FHIT: variants seen among roughly 807,000 people sequenced by gnomAD.
FHIT encodes bis(5'-adenosyl)-triphosphatase.
In FHIT, 19 loss-of-function variants were observed where a neutral mutation model predicts 17.9. The observed-to-expected ratio is 1.06, with a 90% CI of 0.74 to 1.56. The LOEUF is 1.56. Among genes scored for constraint, FHIT ranks in the 40% most tolerant of loss-of-function variants. The pLI, the probability that FHIT is intolerant of heterozygous loss-of-function variation, is 0.00. For missense variants in FHIT, 248 were observed against 189.2 expected, an observed-to-expected ratio of 1.31 and a Z score of -1.82; for synonymous variants, 81 against 69.7, an observed-to-expected ratio of 1.16 and a Z score of -0.81.
chr3:59,913,251 G>C (rs1454911842), intron 8 of FHIT, among the ~76,000 whole-genome samples: 1 of 152,066 alleles, frequency 6.6e-6, no homozygotes, highest in Non-Finnish European at 1.5e-5. Context: ...ACAGGGATAT[G>C]AAAACCATTT....
intron 5 of FHIT, among the ~76,000 whole-genome samples, chr3:60,398,503 T>C (rs1386446209): frequency 1.3e-5 from 2 of 152,142 alleles, no homozygotes; most frequent in Non-Finnish European, 2.9e-5. Flanking sequence ...TTAACATTGA[T>C]TGGAAATTTA....
chr3:60,906,890 C>T (rs945317976), intron 3 of FHIT, among the ~76,000 whole-genome samples: 29 of 152,084 alleles, frequency 1.9e-4, no homozygotes, highest in African/African-American at 6.8e-4. Context: ...GAAGACCGTG[C>T]TCTATGAATA....
chr3:60,606,969 C>A (rs2038628273), intron 4 of FHIT, among the ~76,000 whole-genome samples: 1 of 152,154 alleles, frequency 6.6e-6, no homozygotes, highest in Admixed American at 6.6e-5. Context: ...CTGCTTGAAT[C>A]CTTCCATTAA....
intron 5 of FHIT, among the ~76,000 whole-genome samples, chr3:60,050,030 A>G (rs1442041117): frequency 2.0e-5 from 3 of 152,180 alleles, no homozygotes; most frequent in African/African-American, 7.2e-5. Flanking sequence ...TTCATGTCTC[A>G]GAATACTGAA....
At chr3:60,442,521 A>G (rs899030330) in intron 5 of FHIT, among the ~76,000 whole-genome samples, 1 of 152,178 alleles carries the variant, frequency 6.6e-6, no homozygotes, top group Admixed American at 6.6e-5. Flanking sequence ...ACCATTTGTT[A>G]AATAGGGAAT....
chr3:59,916,942 A>G (rs1324871505), intron 8 of FHIT, among the ~76,000 whole-genome samples: 3 of 152,270 alleles, frequency 2.0e-5, no homozygotes, highest in Non-Finnish European at 4.4e-5. Context: ...GGAGGACATC[A>G]GTAAACCCAG....
chr3:60,182,173 G>A (rs959355015), intron 5 of FHIT, among the ~76,000 whole-genome samples: 2 of 152,136 alleles, frequency 1.3e-5, no homozygotes, highest in African/African-American at 4.8e-5. Context: ...GGCAACTAGA[G>A]GTTGCTTTCC....
chr3:60,043,681 T>TAGATAGAC (rs1701536660), intron 5 of FHIT, among the ~76,000 whole-genome samples: 3 of 152,234 alleles, frequency 2.0e-5, no homozygotes, highest in African/African-American at 4.8e-5. Flanking sequence ...GACAGATAGA[T>TAGATAGAC]AGATAGATAA....
chr3:61,111,713 A>G (rs954536542), intron 2 of FHIT, among the ~76,000 whole-genome samples: 1 of 152,230 alleles, frequency 6.6e-6, no homozygotes, highest in African/African-American at 2.4e-5. Context: ...TGGTTGTCAT[A>G]CTAATTTAAT....
At chr3:60,540,160 C>G (rs952581879) in intron 4 of FHIT, among the ~76,000 whole-genome samples, 1 of 152,030 alleles carries the variant, frequency 6.6e-6, no homozygotes, top group African/African-American at 2.4e-5. Context: ...GTTTAGGGAG[C>G]TTCTGGATAG....
rs142891933 is a variant in FHIT at position 60,682,210 on chromosome 3, A to G, written c.-18+139709T>C. Among the ~76,000 whole-genome samples the G allele has an allele frequency of 2.7e-4, 41 of 152,128 alleles. 1 individual carries two copies. The highest frequency in any genetic ancestry group is 9.4e-4 in the African/African-American group (39 of 41,500). On this transcript the variant is annotated intron_variant, in intron 4 of 9. Coordinates refer to ENST00000492590, the MANE Select transcript of FHIT (RefSeq NM_002012.4). ...CTGGTCTCGAACTCCTGACCTCATT[A>G]TTTGCCTGCCTCGGCCTCCCACAAT...
intron 7 of FHIT, among the ~76,000 whole-genome samples, chr3:59,979,965 G>A (rs111275783): frequency 2.6e-5 from 4 of 152,222 alleles, no homozygotes; most frequent in East Asian, 1.9e-4. Flanking sequence ...AACACTGTTC[G>A]ACAGAGAAGA....
At chr3:60,139,813 T>A (rs1699960950) in intron 5 of FHIT, among the ~76,000 whole-genome samples, 1 of 109,690 alleles carries the variant, frequency 9.1e-6, no homozygotes, top group Non-Finnish European at 1.7e-5. Context: ...TAAGTACCTT[T>A]CATTATTAAA....
At chr3:59,894,180 G>C (rs1202103907) in intron 8 of FHIT, among the ~76,000 whole-genome samples, 1 of 152,064 alleles carries the variant, frequency 6.6e-6, no homozygotes, top group Non-Finnish European at 1.5e-5. Flanking sequence ...GTAACGTCAA[G>C]GCTGCAGTGA....
intron 5 of FHIT, among the ~76,000 whole-genome samples, chr3:60,130,776 G>GTATACACATATATA (rs1322600707): frequency 0.03 from 8 of 266 alleles, no homozygotes; most frequent in Non-Finnish European, 0.039. Context: ...TTGTGTGTGT[G>GTATACACATATATA]TGTGTGTGGT....
intron 4 of FHIT, among the ~76,000 whole-genome samples, chr3:60,695,056 T>C (rs1386243573): frequency 6.6e-6 from 1 of 151,936 alleles, no homozygotes; most frequent in Non-Finnish European, 1.5e-5. Flanking sequence ...GAACTTAAAG[T>C]ATAATAATAA....
At chr3:60,500,785 A>AT (rs1434611587) in intron 5 of FHIT, among the ~76,000 whole-genome samples, 1 of 150,962 alleles carries the variant, frequency 6.6e-6, no homozygotes, top group Non-Finnish European at 1.5e-5. Flanking sequence ...AAAAAAAAAA[A>AT]AAAAAAAAAA....
chr3:61,214,616 C>A (rs1217064315), intron 1 of FHIT, among the ~76,000 whole-genome samples: 1 of 150,768 alleles, frequency 6.6e-6, no homozygotes, highest in East Asian at 2.0e-4. Flanking sequence ...GAAACTATTC[C>A]AATCAATAGA....
intron 7 of FHIT, among the ~76,000 whole-genome samples, chr3:59,984,061 AC>A (rs1559520829): frequency 6.6e-6 from 1 of 152,144 alleles, no homozygotes; most frequent in Non-Finnish European, 1.5e-5. Flanking sequence ...CTTGCCTCTT[AC>A]TAAGTAGCAC....
Sources: gnomAD v4.1 joint callset for allele counts (sites outside exome capture counted in the v4.1 genomes callset) on GRCh38, gnomAD v4.1.1 for gene constraint, MANE v1.5 for transcripts, NCBI Gene and HGNC (gene_info 2026-07-23, HGNC 2026-07-21) for gene names.